The following PTPRO variants were observed in gnomAD, a reference collection of about 807,000 sequenced individuals.
PTPRO encodes the protein protein tyrosine phosphatase receptor type O, also known as receptor-type tyrosine-protein phosphatase O.
In PTPRO, 62 loss-of-function variants were observed where a neutral mutation model predicts 145.2. That is an observed-to-expected ratio of 0.43 (90% CI 0.35 to 0.53). The LOEUF is 0.53. PTPRO is among the 20% of genes least tolerant of loss of function. The pLI, the probability that PTPRO is intolerant of heterozygous loss-of-function variation, is 0.01. For synonymous variants in PTPRO, 565 were observed against 514.7 expected (o/e 1.10, Z -1.32); for missense variants, 1,345 against 1,482.7 (o/e 0.91, Z 1.53).
At chr12:15,546,344 G>C in intron 12 of PTPRO, 2 of 1,379,192 alleles carry the variant, frequency 1.5e-6, no homozygotes, top group Non-Finnish European at 1.9e-6. Context: ...GAAGTGTTCT[G>C]AAAAGAGAAG....
chr12:15,595,159 T>C (rs944023445), intron 26 of PTPRO, 102 bp downstream of exon 26: 1 of 762,502 alleles, frequency 1.3e-6, no homozygotes, highest in Non-Finnish European at 2.3e-6. Flanking sequence ...GTATTGACTC[T>C]GACTTCACAT....
chr12:15,402,811 T>C (rs1181842294), intron 1 of PTPRO, among the ~76,000 whole-genome samples: 1 of 152,160 alleles, frequency 6.6e-6, no homozygotes, highest in Non-Finnish European at 1.5e-5. Context: ...TCAAACCAAG[T>C]ATCATATAAA....
intron 7 of PTPRO, among the ~76,000 whole-genome samples, chr12:15,509,626 G>A (rs1384859663): frequency 9.0e-6 from 1 of 110,916 alleles, no homozygotes; most frequent in African/African-American, 2.9e-5. Flanking sequence ...GAACCCGGGA[G>A]GTGGGGGTTG....
chr12:15,591,005 C>A (rs1944539355), intron 25 of PTPRO, among the ~76,000 whole-genome samples: 1 of 152,144 alleles, frequency 6.6e-6, no homozygotes, highest in Admixed American at 6.5e-5. Context: ...AAGAGCCACA[C>A]CTTATTTTAA....
chr12:15,368,052 T>C (rs554389536), intron 1 of PTPRO, among the ~76,000 whole-genome samples: 1 of 152,340 alleles, frequency 6.6e-6, no homozygotes, highest in South Asian at 2.1e-4. Flanking sequence ...TAAAACCGTT[T>C]AGTAGCTTCG....
At chr12:15,406,610 G>A (rs1939654358) in intron 1 of PTPRO, among the ~76,000 whole-genome samples, 1 of 152,082 alleles carries the variant, frequency 6.6e-6, no homozygotes, top group East Asian at 1.9e-4. Flanking sequence ...TAGTTGAACA[G>A]GCAATAATGC....
At chr12:15,496,251 T>A (rs1258077992) in intron 2 of PTPRO, among the ~76,000 whole-genome samples, 2 of 144,566 alleles carry the variant, frequency 1.4e-5, no homozygotes, top group Non-Finnish European at 3.0e-5. Flanking sequence ...CAAGTGATTC[T>A]CCTGCCTCAG....
At chr12:15,396,093 T>G (rs1363254414) in intron 1 of PTPRO, among the ~76,000 whole-genome samples, 1 of 152,216 alleles carries the variant, frequency 6.6e-6, no homozygotes, top group Non-Finnish European at 1.5e-5. Flanking sequence ...CCATATTCTA[T>G]AGAAGTTAAT....
intron 1 of PTPRO, among the ~76,000 whole-genome samples, chr12:15,356,272 A>G (rs1037299665): frequency 6.6e-6 from 1 of 152,160 alleles, no homozygotes; most frequent in African/African-American, 2.4e-5. Flanking sequence ...TTTGTCTTGG[A>G]GCAAGAAATG....
At chr12:15,563,177 G>C (rs1346097992) in intron 17 of PTPRO, among the ~76,000 whole-genome samples, 3 of 152,186 alleles carry the variant, frequency 2.0e-5, no homozygotes, top group African/African-American at 7.2e-5. Flanking sequence ...AAGTGAAAGA[G>C]AAAAAACTAA....
intron 23 of PTPRO, among the ~76,000 whole-genome samples, chr12:15,584,042 T>A (rs1328160583): frequency 6.6e-6 from 1 of 152,210 alleles, no homozygotes; most frequent in Non-Finnish European, 1.5e-5. Flanking sequence ...GCGTCTTCTC[T>A]GGGCTTGGAC....
intron 1 of PTPRO, among the ~76,000 whole-genome samples, chr12:15,354,252 T>C (rs1353327667): frequency 6.6e-6 from 1 of 152,246 alleles, no homozygotes; most frequent in Non-Finnish European, 1.5e-5. Context: ...CTGATTTCTT[T>C]GTGGCATTGT....
At position 15,551,439 on chromosome 12, in the gene PTPRO, T is replaced by A. The variant is rs139016455; in HGVS notation, c.2438-112T>A. On this transcript the variant is annotated intron_variant, in intron 14 of 26. Transcript: ENST00000281171. Reference sequence around the variant, plus strand: ...TTGGGGAACATGATTGTTACTATTATTGGTATCATCGTAAGCTCACTGCCC... The same window carrying A: ...TTGGGGAACATGATTGTTACTATTAATGGTATCATCGTAAGCTCACTGCCC... 74 of 1,332,634 alleles carry A rather than the reference T, an allele frequency of 5.6e-5. No individual in the cohort carries two copies. In the African/African-American group the frequency reaches 8.8e-4, roughly 16 times the overall value. 82.6% of individuals were successfully genotyped at this position (1,332,634 alleles called of 1,614,324 possible).
intron 1 of PTPRO, among the ~76,000 whole-genome samples, chr12:15,423,273 T>A (rs1940195692): frequency 6.6e-6 from 1 of 152,164 alleles, no homozygotes; most frequent in Non-Finnish European, 1.5e-5. Context: ...GGAAAGACTC[T>A]CTGAGGTTTC....
chr12:15,570,628 A>C (rs1944024392), intron 19 of PTPRO, among the ~76,000 whole-genome samples: 1 of 152,202 alleles, frequency 6.6e-6, no homozygotes. Context: ...CAAATGCTAT[A>C]CTCAAAGAAA....
chr12:15,496,505 CA>C (rs1942111462), intron 2 of PTPRO, among the ~76,000 whole-genome samples: 1 of 151,918 alleles, frequency 6.6e-6, no homozygotes, highest in East Asian at 1.9e-4. Flanking sequence ...TAGAAAGGTG[CA>C]AAATGCATTA....
At chr12:15,354,810 G>T (rs1275556500) in intron 1 of PTPRO, among the ~76,000 whole-genome samples, 1 of 152,134 alleles carries the variant, frequency 6.6e-6, no homozygotes, top group Non-Finnish European at 1.5e-5. Context: ...AAGGCTTAGG[G>T]CTATGAAATA....
At chr12:15,448,697 T>A (rs981217556) in intron 1 of PTPRO, among the ~76,000 whole-genome samples, 4 of 152,084 alleles carry the variant, frequency 2.6e-5, no homozygotes, top group Non-Finnish European at 5.9e-5. Context: ...GGAAATGAAA[T>A]AAGCAACTCC....
At chr12:15,324,733 A>G (rs1448607426) in intron 1 of PTPRO, among the ~76,000 whole-genome samples, 1 of 152,162 alleles carries the variant, frequency 6.6e-6, no homozygotes, top group Non-Finnish European at 1.5e-5. Flanking sequence ...GTATATATTA[A>G]ATACCTTCTA....
Sources: gnomAD v4.1 joint callset for allele counts (sites outside exome capture counted in the v4.1 genomes callset) on GRCh38, gnomAD v4.1.1 for gene constraint, MANE v1.5 for transcripts, NCBI Gene and HGNC (gene_info 2026-07-23, HGNC 2026-07-21) for gene names.